PTBP3: variants seen among roughly 807,000 people sequenced by gnomAD.
PTBP3 encodes the protein polypyrimidine tract-binding protein 3.
A neutral mutation model predicts 58.7 loss-of-function variants in PTBP3; 20 were observed. The observed-to-expected ratio is 0.34, with a 90% CI of 0.24 to 0.50. PTBP3 has a LOEUF of 0.50. Among genes scored for constraint, PTBP3 ranks in the 20% least tolerant of loss-of-function variants. PTBP3 has a pLI of 0.98. For missense variants in PTBP3, 509 were observed against 637.2 expected, an observed-to-expected ratio of 0.80 and a Z score of 2.17; for synonymous variants, 185 against 219.8, an observed-to-expected ratio of 0.84 and a Z score of 1.40.
chr9:112,238,063 C>A (rs1353742934), intron 7 of PTBP3, among the ~76,000 whole-genome samples: 1 of 152,090 alleles, frequency 6.6e-6, no homozygotes, highest in Non-Finnish European at 1.5e-5. Context: ...AAAGGACAAT[C>A]ATAATTAATT....
chr9:112,242,979 G>A (rs1449741215), intron 7 of PTBP3: 1 of 152,056 alleles, frequency 6.6e-6, no homozygotes, highest in Non-Finnish European at 1.5e-5. Context: ...TTTCCCTAGT[G>A]GATTAGATTG....
chr9:112,265,532 C>G (rs1389227606), intron 4 of PTBP3, among the ~76,000 whole-genome samples: 1 of 151,868 alleles, frequency 6.6e-6, no homozygotes, highest in Non-Finnish European at 1.5e-5. Flanking sequence ...CAAAAACAAA[C>G]AAAAAACAAC....
chr9:112,284,820 T>C (rs960263832), intron 2 of PTBP3, among the ~76,000 whole-genome samples: 2 of 149,360 alleles, frequency 1.3e-5, no homozygotes, highest in East Asian at 2.0e-4. Flanking sequence ...CTTTCTCCCA[T>C]TTGGAATGGG....
chr9:112,308,865 A>T (rs1829353340), intron 1 of PTBP3, among the ~76,000 whole-genome samples: 1 of 152,164 alleles, frequency 6.6e-6, no homozygotes, highest in Non-Finnish European at 1.5e-5. Context: ...GCACACAATC[A>T]GCTTTACTGG....
At chr9:112,250,310 T>C (rs1836056111) in intron 7 of PTBP3, among the ~76,000 whole-genome samples, 1 of 152,126 alleles carries the variant, frequency 6.6e-6, no homozygotes, top group Admixed American at 6.6e-5. Context: ...CCTAATAAGA[T>C]ATTCAAACTG....
At chr9:112,362,456 T>G in the PTBP3 span, among the ~76,000 whole-genome samples, 1 of 152,230 alleles carries the variant, frequency 6.6e-6, no homozygotes, top group African/African-American at 2.4e-5. Context: ...TTCTCTAGGT[T>G]GTCTTTTCAC....
chr9:112,270,725 G>T (rs1258748221), intron 3 of PTBP3, among the ~76,000 whole-genome samples: 2 of 152,078 alleles, frequency 1.3e-5, no homozygotes, highest in Non-Finnish European at 2.9e-5. Context: ...ATTTTTCAGT[G>T]ATCTCCTTAC....
the PTBP3 span, among the ~76,000 whole-genome samples, chr9:112,376,503 C>T: frequency 2.0e-5 from 3 of 151,866 alleles, no homozygotes; most frequent in Non-Finnish European, 2.9e-5. Context: ...CCGCCTGCCT[C>T]GGCCTCCCAA....
chr9:112,299,860 T>C (rs1432539044), intron 1 of PTBP3, among the ~76,000 whole-genome samples: 1 of 152,172 alleles, frequency 6.6e-6, no homozygotes, highest in East Asian at 1.9e-4. Context: ...TAAGAGCATA[T>C]CTCAAATAGG....
intron 1 of PTBP3, chr9:112,332,958 C>A: frequency 1.4e-6 from 2 of 1,444,144 alleles, no homozygotes; most frequent in South Asian, 1.5e-5. Context: ...GGGACCATGG[C>A]TTGCGACCAG....
At chr9:112,280,501 T>C (rs151068114) in intron 2 of PTBP3, among the ~76,000 whole-genome samples, 90 of 152,354 alleles carry the variant, frequency 5.9e-4, no homozygotes, top group Non-Finnish European at 9.1e-4. Context: ...CACTATTGAA[T>C]ATAATAATGC....
At chr9:112,347,704 T>C in the PTBP3 span, among the ~76,000 whole-genome samples, 1 of 152,320 alleles carries the variant, frequency 6.6e-6, no homozygotes, top group South Asian at 2.1e-4. Context: ...TGTGTATGTG[T>C]ATCTATACAT....
At chr9:112,319,494 C>T (rs1829835299) in intron 1 of PTBP3, among the ~76,000 whole-genome samples, 1 of 152,116 alleles carries the variant, frequency 6.6e-6, no homozygotes, top group South Asian at 2.1e-4. Context: ...CAAATTAAAA[C>T]CACAAGGAAA....
the PTBP3 span, among the ~76,000 whole-genome samples, chr9:112,376,260 T>TTG: frequency 1.4e-5 from 2 of 138,798 alleles, no homozygotes; most frequent in African/African-American, 5.4e-5. Flanking sequence ...AAGTTTTTTT[T>TTG]TTTTTTTTTT....
the PTBP3 span, among the ~76,000 whole-genome samples, chr9:112,375,207 G>A: frequency 6.6e-6 from 1 of 152,200 alleles, no homozygotes; most frequent in Non-Finnish European, 1.5e-5. Context: ...TGAGCATTCA[G>A]AGAGGTCCAT....
intron 2 of PTBP3, among the ~76,000 whole-genome samples, chr9:112,284,570 C>A (rs566175770): frequency 3.3e-5 from 5 of 152,220 alleles, no homozygotes; most frequent in African/African-American, 1.2e-4. Context: ...GTGATGTGCA[C>A]CTGTAGTCCC....
intron 7 of PTBP3, among the ~76,000 whole-genome samples, chr9:112,243,625 T>G (rs373954984): frequency 1.0e-3 from 158 of 152,318 alleles, no homozygotes; most frequent in African/African-American, 3.6e-3. Flanking sequence ...TGTACTGAAA[T>G]GTAAAAAGAA....
rs556143500 is a variant in PTBP3, at chr9:112,312,151, T to C, written c.-51-14235A>G. Among the ~76,000 whole-genome samples, 16 of 152,140 alleles carry C rather than the reference T, an allele frequency of 1.1e-4. No individual in the cohort carries two copies. The South Asian group carries it at 2.3e-3, about 22-fold the overall frequency. ...TCTCAAAGCATCTTCCAACAAATCA[T>C]TGATTACGAAAAGAAAATTGGTAAC... On this transcript the variant is annotated intron_variant, in intron 1 of 13. Coordinates refer to ENST00000374257, the MANE Select transcript of PTBP3 (RefSeq NM_001163788.4).
Position 112,332,759 on chromosome 9 carries a change from C to T in PTBP3, c.-52+711G>A, listed in dbSNP as rs936347475. The stretch of plus-strand genomic sequence containing the variant: ...GAGCATTTGAAATGCCCCCGAAAAT[C>T]GCTCGTACATCATATTTTACATACA... On this transcript the variant is annotated intron_variant, in intron 1 of 13. Coordinates refer to ENST00000374257, the MANE Select transcript of PTBP3 (RefSeq NM_001163788.4). The T allele has an allele frequency of 2.5e-6, 4 of 1,610,012 alleles. No homozygotes were observed. In the African/African-American group the frequency reaches 4.0e-5, roughly 16 times the overall value.
Sources: allele counts gnomAD v4.1 joint callset (sites outside exome capture counted in the v4.1 genomes callset), GRCh38; gene constraint gnomAD v4.1.1; transcripts MANE v1.5; gene names NCBI Gene and HGNC (gene_info 2026-07-23, HGNC 2026-07-21).